PEPD: variants seen among roughly 807,000 people sequenced by gnomAD.
The protein encoded by PEPD is peptidase D.
In PEPD, 53 loss-of-function variants were observed where a neutral mutation model predicts 60.7. The observed-to-expected ratio is 0.87, with a 90% confidence interval of 0.70 to 1.10. The LOEUF (loss-of-function observed/expected upper bound fraction) is 1.10. Among genes scored for constraint, PEPD ranks in the 50% least tolerant of loss-of-function variants. The pLI is 0.00. For missense variants in PEPD, 711 were observed against 711.9 expected, an observed-to-expected ratio of 1.00 and a Z score of 0.01; for synonymous variants, 267 against 284.1, an observed-to-expected ratio of 0.94 and a Z score of 0.60.
chr19:33,396,858 G>A (rs537149631), intron 12 of PEPD, among the ~76,000 whole-genome samples: 1 of 152,224 alleles, frequency 6.6e-6, no homozygotes, highest in Non-Finnish European at 1.5e-5. Context: ...CGCGGGACAG[G>A]GACAGCTGTG....
chr19:33,407,066 G>A (rs1420405640), intron 11 of PEPD, among the ~76,000 whole-genome samples: 1 of 152,204 alleles, frequency 6.6e-6, no homozygotes, highest in Non-Finnish European at 1.5e-5. Flanking sequence ...GCTGCATCCC[G>A]ACTGGGACAA....
At chr19:33,466,676 A>C (rs951909508) in intron 7 of PEPD, among the ~76,000 whole-genome samples, 9 of 152,020 alleles carry the variant, frequency 5.9e-5, no homozygotes, top group Admixed American at 3.9e-4. Context: ...AGGATGTCTT[A>C]TGGACAACTG....
chr19:33,424,154 C>T (rs896206986), intron 9 of PEPD, among the ~76,000 whole-genome samples: 8 of 152,180 alleles, frequency 5.3e-5, no homozygotes, highest in Non-Finnish European at 1.0e-4. Flanking sequence ...GCAAGTCCAC[C>T]CCCTCCCCAA....
intron 9 of PEPD, among the ~76,000 whole-genome samples, chr19:33,440,213 G>A (rs1014268571): frequency 4.6e-5 from 7 of 151,982 alleles, no homozygotes; most frequent in African/African-American, 9.7e-5. Flanking sequence ...TCTTCTCCCT[G>A]TCTTCCCCAC....
At chr19:33,482,065 G>A (rs1970322011) in intron 6 of PEPD, among the ~76,000 whole-genome samples, 1 of 151,936 alleles carries the variant, frequency 6.6e-6, no homozygotes, top group African/African-American at 2.4e-5. Context: ...CAGAAAAGGA[G>A]GCAATACTTT....
chr19:33,394,874 G>A (rs376624467), intron 12 of PEPD, among the ~76,000 whole-genome samples: 250 of 152,262 alleles, frequency 1.6e-3, no homozygotes, highest in African/African-American at 5.9e-3. Context: ...TGGCTTTCCC[G>A]AAGCACCCCT....
At chr19:33,403,213 C>T (rs954772702) in intron 11 of PEPD, among the ~76,000 whole-genome samples, 52 of 152,336 alleles carry the variant, frequency 3.4e-4, no homozygotes, top group Admixed American at 1.3e-3. Context: ...AGACACAGAG[C>T]GGAACCCTCG....
At chr19:33,439,402 G>T (rs1433660622) in intron 9 of PEPD, among the ~76,000 whole-genome samples, 1 of 152,210 alleles carries the variant, frequency 6.6e-6, no homozygotes, top group Non-Finnish European at 1.5e-5. Flanking sequence ...GTCCCAGAGG[G>T]GCCAGACCTC....
chr19:33,509,129 A>ACAGGG (rs1970872058), intron 3 of PEPD, among the ~76,000 whole-genome samples: 1 of 152,242 alleles, frequency 6.6e-6, no homozygotes, highest in South Asian at 2.1e-4. Flanking sequence ...CTCTTTTGTA[A>ACAGGG]CAGGGCAGTC....
At chr19:33,469,034 GC>G (rs926726562) in intron 7 of PEPD, among the ~76,000 whole-genome samples, 89 of 152,302 alleles carry the variant, frequency 5.8e-4, no homozygotes, top group African/African-American at 2.0e-3. Flanking sequence ...TATGACGCCA[GC>G]CCGGGGAACC....
At chr19:33,433,421 G>A (rs1376896573) in intron 9 of PEPD, among the ~76,000 whole-genome samples, 1 of 152,078 alleles carries the variant, frequency 6.6e-6, no homozygotes, top group Non-Finnish European at 1.5e-5. Context: ...GTACCTCCAG[G>A]GGACTTAACT....
At chr19:33,457,187 T>C (rs904202115) in intron 9 of PEPD, among the ~76,000 whole-genome samples, 1 of 151,706 alleles carries the variant, frequency 6.6e-6, no homozygotes. Flanking sequence ...ATCCCAGCAC[T>C]GTGGGAGACC....
chr19:33,518,826 G>A (rs33838), intron 1 of PEPD, among the ~76,000 whole-genome samples: 46,689 of 152,022 alleles, frequency 0.31, 8,316 homozygotes, highest in South Asian at 0.54. Context: ...ACGTGTAAAA[G>A]TGTACTGCTG....
At chr19:33,391,505 A>G in intron 12 of PEPD, 26 bp from the exon 13 acceptor site, 1 of 1,544,360 alleles carries the variant, frequency 6.5e-7, no homozygotes, top group Non-Finnish European at 8.7e-7. Flanking sequence ...AGCTGCCGTG[A>G]GCCACAGAGC....
intron 9 of PEPD, among the ~76,000 whole-genome samples, chr19:33,457,887 A>G (rs967356396): frequency 1.1e-4 from 17 of 149,768 alleles, no homozygotes; most frequent in Non-Finnish European, 1.5e-5. Context: ...GTCCTGTTTA[A>G]CAAGAATGCA....
At chr19:33,413,501 G>A in intron 10 of PEPD, 74 bp downstream of exon 10, 1 of 822,126 alleles carries the variant, frequency 1.2e-6, no homozygotes, top group Non-Finnish European at 2.1e-6. Context: ...GGGGGATGGT[G>A]GAGCCCCCCA....
At chr19:33,501,908 A>G (rs778803199) in intron 3 of PEPD, among the ~76,000 whole-genome samples, 1 of 152,060 alleles carries the variant, frequency 6.6e-6, no homozygotes, top group African/African-American at 2.4e-5. Flanking sequence ...AGTATTACTC[A>G]ATGTGATGAG....
intron 9 of PEPD, among the ~76,000 whole-genome samples, chr19:33,457,830 A>C (rs1969832906): frequency 6.8e-6 from 1 of 147,964 alleles, no homozygotes; most frequent in Admixed American, 6.8e-5. Flanking sequence ...TTCTAGTCTT[A>C]AAACAAGAAA....
At chr19:33,485,352 G>T (rs1327190195) in intron 6 of PEPD, among the ~76,000 whole-genome samples, 1 of 152,092 alleles carries the variant, frequency 6.6e-6, no homozygotes, top group Non-Finnish European at 1.5e-5. Context: ...AATTAGCCAC[G>T]TGTGGTGGTG....
Sources: gnomAD v4.1 joint callset for allele counts (sites outside exome capture counted in the v4.1 genomes callset) on GRCh38, gnomAD v4.1.1 for gene constraint, MANE v1.5 for transcripts, NCBI Gene and HGNC (gene_info 2026-07-23, HGNC 2026-07-21) for gene names.